Variants in GRM1 observed in about 807,000 individuals in gnomAD.
The protein encoded by GRM1 is metabotropic glutamate receptor 1.
In GRM1, 33 loss-of-function variants were observed where a neutral mutation model predicts 90.9. The ratio of observed to expected loss-of-function variants is 0.36; its 90% CI spans 0.28 to 0.49. The LOEUF is 0.49. GRM1 is among the 20% of genes least tolerant of loss of function. The probability of loss-of-function intolerance (pLI) is 0.99; values close to 1 mark genes in which losing one functional copy is unlikely to be tolerated. For synonymous variants in GRM1, 700 were observed against 613.2 expected, an observed-to-expected ratio of 1.14 and a Z score of -2.09; for missense variants, 1,190 against 1,534.3, an observed-to-expected ratio of 0.78 and a Z score of 3.75.
chr6:146,224,951 T>C (rs1013136092), intron 2 of GRM1, among the ~76,000 whole-genome samples: 1 of 152,172 alleles, frequency 6.6e-6, no homozygotes, highest in Non-Finnish European at 1.5e-5. Flanking sequence ...ATGGATTCTG[T>C]GGAGACCTTC....
chr6:146,229,226 C>T (rs973795252), intron 2 of GRM1, among the ~76,000 whole-genome samples: 4 of 151,568 alleles, frequency 2.6e-5, no homozygotes, highest in East Asian at 1.9e-4. Context: ...TCAGGTGATC[C>T]GCCTGCCTCA....
In GRM1 at chr6:146,434,047, T is replaced by G; in HGVS notation, c.2836T>G (p.Phe946Val). 2 of 1,614,112 alleles carry G rather than the reference T, an allele frequency of 1.2e-6. No individual in the cohort carries two copies. Among genetic ancestry groups the G allele is most frequent in the Non-Finnish European group, 1.7e-6 (2 of 1,180,004 alleles). The part of the protein sequence containing the change: ...SYQGSGKSLT[F>V]SDTSTKTLYN... ...CCAAGGCTCTGGCAAGAGCCTGACC[T>G]TTTCAGATACCAGCACCAAGACCCT... is the stretch of plus-strand genomic sequence containing the variant. The change falls in exon 8 of 8, where the codon TTT (phenylalanine) becomes GTT (valine). Residue 946 changes from phenylalanine (F) to valine (V), a missense_variant. Physicochemically the swap from Phe to Val is conservative, Grantham distance 50 (BLOSUM62 -1). Around this residue, in one of 10 missense-constraint regions of GRM1, gnomAD observed 400 missense variants for 360.8 expected, o/e 1.11. Transcript: ENST00000282753.
At position 146,029,088 on chromosome 6, in the gene GRM1, A is replaced by T. The variant is rs1206382661; in HGVS notation, c.-430A>T. The T allele has an allele frequency of 7.4e-6, 2 of 271,810 alleles. No individual in the cohort carries two copies. 16.8% of individuals were successfully genotyped at this position (271,810 alleles called of 1,614,324 possible). A position where few individuals can be genotyped will look rare whatever the true frequency, so the allele number is the denominator to read the frequency against. Reference sequence around the variant, plus strand: ...AGCTGTTCCTGCAGCCGATATCAGGATGTGCCGAAATGAAACGGACAAGGC... The same window carrying T: ...AGCTGTTCCTGCAGCCGATATCAGGTTGTGCCGAAATGAAACGGACAAGGC... On this transcript the variant is annotated 5_prime_UTR_variant, in exon 1 of 8. An upstream start codon of the reference 5' UTR is lost. Transcript: ENST00000282753.
chr6:146,125,428 C>T (rs1776160673), intron 1 of GRM1, among the ~76,000 whole-genome samples: 2 of 151,456 alleles, frequency 1.3e-5, no homozygotes, highest in African/African-American at 4.9e-5. Context: ...TCCTCCATTC[C>T]TTCCTTCACT....
In GRM1 at chr6:146,380,640, ACTTAAGACAAAGCCC is replaced by A. The variant is rs1776287704; in HGVS notation, c.1603-6246_1603-6232del. On this transcript the variant is annotated intron_variant, in intron 5 of 7. Transcript: ENST00000282753. The stretch of plus-strand genomic sequence containing the variant: ...GCCCATTTGATGTGGCCATGCTGGT[ACTTAAGACAAAGCCC>A]CTTTTTCTTTCCCCTCTGCTTCTCC... 2.0e-5 allele frequency among the ~76,000 whole-genome samples: 3 copies of A among 152,068 alleles called. 1 individual carries two copies. In the South Asian group the frequency reaches 6.2e-4, roughly 31 times the overall value.
chr6:146,283,141 A>G (rs913050200), intron 2 of GRM1, among the ~76,000 whole-genome samples: 4 of 152,232 alleles, frequency 2.6e-5, no homozygotes, highest in Admixed American at 6.5e-5. Context: ...AGCCCAATGC[A>G]TAGCAAGTCC....
intron 2 of GRM1, among the ~76,000 whole-genome samples, chr6:146,178,260 T>G (rs1381038229): frequency 6.6e-6 from 1 of 152,188 alleles, no homozygotes; most frequent in Non-Finnish European, 1.5e-5. Flanking sequence ...ATGTCTCTCA[T>G]CTAGCACTTG....
At chr6:146,386,097 G>T (rs1776490916) in intron 5 of GRM1, among the ~76,000 whole-genome samples, 1 of 151,994 alleles carries the variant, frequency 6.6e-6, no homozygotes, top group South Asian at 2.1e-4. Context: ...ACAATAAAAG[G>T]CAGAAATTGT....
chr6:146,344,833 C>T (rs994826240), intron 3 of GRM1, among the ~76,000 whole-genome samples: 7 of 151,150 alleles, frequency 4.6e-5, no homozygotes, highest in Admixed American at 6.6e-5. Context: ...TTTTTTGAGA[C>T]GGAGTTTCAC....
rs563468755 is a variant in GRM1, at chr6:146,231,209, C to T, written c.950+71612C>T. Among the ~76,000 whole-genome samples the T allele has an allele frequency of 1.6e-3, 240 of 152,182 alleles. 2 individuals carry two copies. Among genetic ancestry groups the T allele is most frequent in the African/African-American group, 5.5e-3 (230 of 41,524 alleles). On this transcript the variant is annotated intron_variant, in intron 2 of 7. Transcript: ENST00000282753. ...TCCTCATCAGCTGTGACACATGTACCACTCTGGTGCGTGATGTTAATAATG... is the reference window on the plus strand; with the variant it reads ...TCCTCATCAGCTGTGACACATGTACTACTCTGGTGCGTGATGTTAATAATG...
At chr6:146,206,969 C>A (rs1779517791) in intron 2 of GRM1, among the ~76,000 whole-genome samples, 1 of 152,196 alleles carries the variant, frequency 6.6e-6, no homozygotes, top group Non-Finnish European at 1.5e-5. Flanking sequence ...CATGTTCCCA[C>A]AAAAGACATG....
intron 1 of GRM1, among the ~76,000 whole-genome samples, chr6:146,088,516 G>A (rs1776617922): frequency 6.6e-6 from 1 of 152,106 alleles, no homozygotes; most frequent in African/African-American, 2.4e-5. Context: ...CCAGTGTTTA[G>A]TCTAGTGCAG....
intron 7 of GRM1, among the ~76,000 whole-genome samples, chr6:146,417,292 C>G (rs1271880609): frequency 6.6e-6 from 1 of 152,166 alleles, no homozygotes; most frequent in African/African-American, 2.4e-5. Context: ...AAAAATTTAT[C>G]TGGTTTTTCT....
chr6:146,208,940 A>G lies in GRM1; in HGVS notation c.950+49343A>G, dbSNP rs562022496. ...TTTTGAAAATCTGTAAAAATGATAT[A>G]AAAATGTCATCTATGAGTAAAAATA... On this transcript the variant is annotated intron_variant, in intron 2 of 7. Coordinates refer to ENST00000282753, the MANE Select transcript of GRM1 (RefSeq NM_001278064.2). 2.6e-5 allele frequency among the ~76,000 whole-genome samples: 4 copies of G among 152,300 alleles called. No homozygotes were observed. In the South Asian group the frequency reaches 6.2e-4, roughly 24 times the overall value.
intron 7 of GRM1, among the ~76,000 whole-genome samples, chr6:146,430,523 A>T (rs1778370321): frequency 6.6e-6 from 1 of 152,228 alleles, no homozygotes; most frequent in Non-Finnish European, 1.5e-5. Flanking sequence ...TTTTCCTAAG[A>T]TTAGGAAGCC....
chr6:146,171,655 G>A (rs1583107928), intron 2 of GRM1: 2 of 281,104 alleles, frequency 7.1e-6, no homozygotes, highest in Middle Eastern at 1.4e-3. Context: ...GTCATACTGA[G>A]TACATCAAAG....
At chr6:146,153,578 G>T (rs951892152) in intron 1 of GRM1, among the ~76,000 whole-genome samples, 5 of 152,166 alleles carry the variant, frequency 3.3e-5, no homozygotes, top group Non-Finnish European at 7.3e-5. Context: ...AAGAATTGCT[G>T]TTCAGATGAG....
chr6:146,324,446 T>C (rs1222506248), intron 3 of GRM1, among the ~76,000 whole-genome samples: 1 of 151,396 alleles, frequency 6.6e-6, no homozygotes, highest in African/African-American at 2.4e-5. Context: ...GGAAAAAAAA[T>C]AAAAAATTAA....
At chr6:146,198,135 A>C (rs1352451687) in intron 2 of GRM1, among the ~76,000 whole-genome samples, 2 of 152,270 alleles carry the variant, frequency 1.3e-5, no homozygotes, top group Non-Finnish European at 2.9e-5. Flanking sequence ...CACATTAAAT[A>C]CATGCAGCTC....
Sources: gnomAD v4.1 joint callset for allele counts (sites outside exome capture counted in the v4.1 genomes callset) on GRCh38, gnomAD v4.1.1 for gene constraint, gnomAD v4.1.1 regional missense constraint, MANE v1.5 for transcripts, NCBI Gene and HGNC (gene_info 2026-07-23, HGNC 2026-07-21) for gene names.